ASCC3: variants seen among roughly 807,000 people sequenced by gnomAD.
ASCC3 encodes ASC-1 complex subunit P200.
Under a neutral mutation model 256.3 loss-of-function variants are expected in ASCC3, and 158 were observed. That is an observed-to-expected ratio of 0.62 (90% CI 0.54 to 0.70). The LOEUF is 0.70. Ranked by LOEUF, ASCC3 falls within the 30% of genes least tolerant of loss-of-function variation. The pLI, the probability that ASCC3 is intolerant of heterozygous loss-of-function variation, is 0.00. For missense variants in ASCC3, 2,259 were observed against 2,626.0 expected (o/e 0.86, Z 3.05); for synonymous variants, 948 against 883.4 (o/e 1.07, Z -1.30).
intron 39 of ASCC3, among the ~76,000 whole-genome samples, chr6:100,513,258 T>C (rs1021329430): frequency 2.0e-5 from 3 of 152,230 alleles, no homozygotes; most frequent in East Asian, 3.8e-4. Context: ...TTTAATGTCT[T>C]TGTAAAAATA....
intron 36 of ASCC3, among the ~76,000 whole-genome samples, chr6:100,564,049 A>G (rs1770099070): frequency 6.6e-6 from 1 of 151,826 alleles, no homozygotes; most frequent in African/African-American, 2.4e-5. Flanking sequence ...TTTTTTTAAT[A>G]TTAAAAAAAA....
chr6:100,514,047 G>A lies in ASCC3; in HGVS notation c.6076-1129C>T, dbSNP rs570031379. 2.6e-5 allele frequency among the ~76,000 whole-genome samples: 4 copies of A among 151,846 alleles called. No individual in the cohort carries two copies. The South Asian group carries it at 6.3e-4, about 24-fold the overall frequency. On this transcript the variant is annotated intron_variant, in intron 39 of 41. Transcript: ENST00000369162. ...GGCTTTGATTTTGCTTAGTGCTGCTGAGTATACCTAATTGAAATGAAGTAG... is the reference window on the plus strand; with the variant it reads ...GGCTTTGATTTTGCTTAGTGCTGCTAAGTATACCTAATTGAAATGAAGTAG...
intron 3 of ASCC3, among the ~76,000 whole-genome samples, chr6:100,863,781 A>T (rs796565041): frequency 2.0e-5 from 3 of 151,996 alleles, no homozygotes; most frequent in African/African-American, 7.2e-5. Flanking sequence ...ACACCTAGCT[A>T]GTTTATTTTA....
intron 30 of ASCC3, among the ~76,000 whole-genome samples, chr6:100,610,674 T>G (rs1306665034): frequency 6.6e-6 from 1 of 152,178 alleles, no homozygotes; most frequent in Non-Finnish European, 1.5e-5. Flanking sequence ...CTAGTATTCT[T>G]GTATTATTTA....
At chr6:100,770,374 G>GT (rs1191724217) in intron 8 of ASCC3, among the ~76,000 whole-genome samples, 4 of 151,862 alleles carry the variant, frequency 2.6e-5, no homozygotes, top group Non-Finnish European at 5.9e-5. Flanking sequence ...TATTAACAGG[G>GT]TAAGACTGAA....
chr6:100,819,439 G>A (rs1226375748), intron 4 of ASCC3, among the ~76,000 whole-genome samples: 3 of 152,140 alleles, frequency 2.0e-5, no homozygotes, highest in Admixed American at 6.6e-5. Flanking sequence ...TGACTCACAC[G>A]ATCACAAGGT....
intron 36 of ASCC3, among the ~76,000 whole-genome samples, chr6:100,584,450 T>A (rs572943140): frequency 6.6e-6 from 1 of 152,240 alleles, no homozygotes; most frequent in East Asian, 1.9e-4. Context: ...GTAGACTTCC[T>A]CCATCCTTTT....
At chr6:100,612,742 C>T (rs1223933878) in intron 30 of ASCC3, among the ~76,000 whole-genome samples, 2 of 151,722 alleles carry the variant, frequency 1.3e-5, no homozygotes, top group African/African-American at 4.8e-5. Context: ...TACTGATACA[C>T]TAATAAAAAA....
At chr6:100,785,065 G>A (rs1283693780) in intron 8 of ASCC3, among the ~76,000 whole-genome samples, 1 of 151,976 alleles carries the variant, frequency 6.6e-6, no homozygotes, top group Non-Finnish European at 1.5e-5. Context: ...GACAGTACAT[G>A]GACACTGTTA....
rs748353438 is a variant in ASCC3 at position 100,512,807 on chromosome 6, C to T, written c.6187G>A (p.Ala2063Thr). Reference protein sequence around the residue: ...HNELSVSTLTADKRDDNKWIK... With the variant: ...HNELSVSTLTTDKRDDNKWIK... ...CATTTGTTGTCATCTCGTTTGTCTG[C>T]AGTCAGAGTTGAGACAGAGAGTTCA... Residue 2063 changes from alanine to threonine, a missense_variant, in exon 40 of 42, where the codon GCA becomes ACA. Coordinates refer to ENST00000369162, the MANE Select transcript of ASCC3 (RefSeq NM_006828.4). The T allele has an allele frequency of 1.9e-6, 3 of 1,614,114 alleles. No individual in the cohort carries two copies. The highest frequency in any genetic ancestry group is 2.5e-6 in the Non-Finnish European group (3 of 1,179,986).
intron 3 of ASCC3, chr6:100,858,519 T>A: frequency 1.1e-6 from 1 of 909,086 alleles, no homozygotes; most frequent in Non-Finnish European, 1.3e-6. Flanking sequence ...TTTTTTATCA[T>A]AAGTAATGTT....
At chr6:100,530,033 A>G (rs1037484346) in intron 37 of ASCC3, among the ~76,000 whole-genome samples, 2 of 151,638 alleles carry the variant, frequency 1.3e-5, no homozygotes, top group Non-Finnish European at 2.9e-5. Context: ...AATGGTGTGC[A>G]GTTCTCCAAA....
At chr6:100,742,428 C>T (rs1174255603) in intron 10 of ASCC3, among the ~76,000 whole-genome samples, 1 of 152,156 alleles carries the variant, frequency 6.6e-6, no homozygotes, top group Admixed American at 6.5e-5. Flanking sequence ...TACGCTTCCA[C>T]ATTTGGGCTG....
At chr6:100,853,096 T>A (rs988221382) in intron 3 of ASCC3, among the ~76,000 whole-genome samples, 1 of 152,112 alleles carries the variant, frequency 6.6e-6, no homozygotes, top group African/African-American at 2.4e-5. Context: ...GCTTTTATTA[T>A]AAATAATTTT....
At chr6:100,873,192 C>T (rs115283529) in intron 1 of ASCC3, among the ~76,000 whole-genome samples, 2,247 of 151,894 alleles carry the variant, frequency 0.015, 50 homozygotes, top group African/African-American at 0.051. Flanking sequence ...AAATAAGAAA[C>T]GAAACTTCAG....
chr6:100,654,358 A>G (rs239233), intron 17 of ASCC3, among the ~76,000 whole-genome samples: 11,079 of 151,930 alleles, frequency 0.073, 601 homozygotes, highest in African/African-American at 0.15. Context: ...TATGTATCCA[A>G]AAGGTCTTTA....
At chr6:100,733,761 C>T (rs768558640) in intron 10 of ASCC3, among the ~76,000 whole-genome samples, 1 of 152,138 alleles carries the variant, frequency 6.6e-6, no homozygotes, top group African/African-American at 2.4e-5. Context: ...AACTCAACCT[C>T]TTGAAAGCAA....
intron 36 of ASCC3, among the ~76,000 whole-genome samples, chr6:100,579,186 G>GT (rs34493851): frequency 0.14 from 18,616 of 132,200 alleles, 1,508 homozygotes; most frequent in South Asian, 0.33. Context: ...GGGGTTGTTT[G>GT]TTTTTTTTTT....
intron 30 of ASCC3, among the ~76,000 whole-genome samples, chr6:100,616,511 G>T (rs1773670184): frequency 6.6e-6 from 1 of 152,162 alleles, no homozygotes; most frequent in African/African-American, 2.4e-5. Flanking sequence ...GAATTAACAA[G>T]GATTAACTAT....
Sources: allele counts gnomAD v4.1 joint callset (sites outside exome capture counted in the v4.1 genomes callset), GRCh38; gene constraint gnomAD v4.1.1; transcripts MANE v1.5; gene names NCBI Gene and HGNC (gene_info 2026-07-23, HGNC 2026-07-21).